The following STXBP5 variants were observed in gnomAD, a reference collection of about 807,000 sequenced individuals.
The protein encoded by STXBP5 is syntaxin binding protein 5.
A neutral mutation model predicts 152.4 loss-of-function variants in STXBP5; 50 were observed. The observed-to-expected ratio is 0.33, with a 90% confidence interval of 0.26 to 0.42. STXBP5 has a LOEUF of 0.42. Among genes scored for constraint, STXBP5 ranks in the 10% least tolerant of loss-of-function variants. The pLI, the probability that STXBP5 is intolerant of heterozygous loss-of-function variation, is 1.00. For missense variants in STXBP5, 1,167 were observed against 1,388.6 expected, an observed-to-expected ratio of 0.84 and a Z score of 2.54; for synonymous variants, 492 against 494.7, an observed-to-expected ratio of 0.99 and a Z score of 0.07.
chr6:147,377,987 C>A (rs2328813), intron 26 of STXBP5, among the ~76,000 whole-genome samples: 87,127 of 151,890 alleles, frequency 0.57, 25,326 homozygotes, highest in African/African-American at 0.64. Context: ...TTATTTTTGA[C>A]GGAATTTAAT....
chr6:147,207,331 A>G (rs1402779708), intron 2 of STXBP5, among the ~76,000 whole-genome samples: 1 of 152,248 alleles, frequency 6.6e-6, no homozygotes, highest in African/African-American at 2.4e-5. Flanking sequence ...GAACTGTGTT[A>G]CTAAGTGAAG....
chr6:147,364,060 T>C lies in STXBP5; in HGVS notation c.2975T>C (p.Ile992Thr). The stretch of plus-strand genomic sequence containing the variant: ...TACTTGCCCCTTACCAATATGCGGA[T>C]AGCCAGAACGTTCTGCTTTACCAAC... ...VYYLPLTNMR[I>T]ARTFCFTNNG... Residue 992 changes from isoleucine (I) to threonine (T), a missense_variant, in exon 25 of 28, where the codon ATA becomes ACA. By Grantham distance (89) the Ile-to-Thr change is moderately conservative (BLOSUM62 -1). Coordinates refer to ENST00000321680, the MANE Select transcript of STXBP5 (RefSeq NM_001127715.4). 6.2e-7 allele frequency: 1 copy of C among 1,614,104 alleles called. No homozygotes were observed. The highest frequency in any genetic ancestry group is 8.5e-7 in the Non-Finnish European group (1 of 1,180,006).
intron 22 of STXBP5, among the ~76,000 whole-genome samples, chr6:147,357,670 G>A (rs897222946): frequency 3.3e-5 from 5 of 152,076 alleles, no homozygotes; most frequent in Non-Finnish European, 5.9e-5. Flanking sequence ...ATTACCAATG[G>A]AAGGAAGGAA....
chr6:147,349,710 A>T (rs949780870), intron 21 of STXBP5, among the ~76,000 whole-genome samples: 2 of 152,150 alleles, frequency 1.3e-5, no homozygotes, highest in Non-Finnish European at 2.9e-5. Context: ...GTTTCATCTA[A>T]TGTGAGCTCC....
At chr6:147,245,932 A>G (rs751782426) in intron 4 of STXBP5, among the ~76,000 whole-genome samples, 7 of 152,226 alleles carry the variant, frequency 4.6e-5, no homozygotes, top group Non-Finnish European at 8.8e-5. Context: ...CCTTCATCTC[A>G]GACTTCTGGC....
intron 4 of STXBP5, among the ~76,000 whole-genome samples, chr6:147,247,893 G>A (rs577377089): frequency 8.7e-4 from 132 of 152,222 alleles, no homozygotes; most frequent in African/African-American, 3.1e-3. Flanking sequence ...GCCTTACAAT[G>A]TGTTAAAGGT....
intron 9 of STXBP5, among the ~76,000 whole-genome samples, chr6:147,304,562 GAGA>G (rs1159340482): frequency 6.6e-6 from 1 of 152,118 alleles, no homozygotes; most frequent in Non-Finnish European, 1.5e-5. Context: ...GTAGAGCTGT[GAGA>G]AGAGGGCCAC....
chr6:147,267,651 T>C (rs1562450401), intron 7 of STXBP5, among the ~76,000 whole-genome samples: 1 of 152,158 alleles, frequency 6.6e-6, no homozygotes, highest in African/African-American at 2.4e-5. Context: ...TTTTTCTGGC[T>C]GCATCCCCAT....
intron 2 of STXBP5, among the ~76,000 whole-genome samples, chr6:147,209,996 T>C (rs565020103): frequency 8.5e-5 from 13 of 152,320 alleles, no homozygotes; most frequent in African/African-American, 1.4e-4. Context: ...ATCATAGTTA[T>C]GTAATAGGAG....
In STXBP5 at chr6:147,314,017, G is replaced by A; in HGVS notation, c.1279G>A (p.Gly427Ser). The part of the protein sequence containing the change: ...YSVGARQKRQ[G>S]YSKKEWPING... ...TGTTGGAGCTAGACAGAAACGTCAA[G>A]GTTACAGCAAAAAGGTATTGAACAT... Residue 427 changes from glycine to serine, a missense_variant, in exon 12 of 28, where the codon GGT (glycine) becomes AGT (serine). Physicochemically the swap from Gly to Ser is moderately conservative, Grantham distance 56 (BLOSUM62 0). Transcript: ENST00000321680. 7 of 1,584,716 alleles carry A rather than the reference G, an allele frequency of 4.4e-6. No individual in the cohort carries two copies. The highest frequency in any genetic ancestry group is 6.0e-6 in the Non-Finnish European group (7 of 1,162,134).
chr6:147,248,260 G>A (rs376510403), intron 4 of STXBP5, among the ~76,000 whole-genome samples: 9 of 149,660 alleles, frequency 6.0e-5, no homozygotes, highest in African/African-American at 2.0e-4. Flanking sequence ...CAAACTGGGC[G>A]GCAAAGTGAG....
chr6:147,250,212 T>C (rs946156031), intron 4 of STXBP5, among the ~76,000 whole-genome samples: 2 of 152,186 alleles, frequency 1.3e-5, no homozygotes, highest in Non-Finnish European at 1.5e-5. Context: ...AGAGAATTAG[T>C]CCCTGGTCTT....
At chr6:147,236,138 G>T (rs1220753656) in intron 3 of STXBP5, among the ~76,000 whole-genome samples, 1 of 152,122 alleles carries the variant, frequency 6.6e-6, no homozygotes, top group Non-Finnish European at 1.5e-5. Flanking sequence ...CATACCAGAG[G>T]ATTTAAGAAA....
intron 19 of STXBP5, among the ~76,000 whole-genome samples, chr6:147,336,229 A>G (rs918503392): frequency 2.0e-5 from 3 of 152,180 alleles, no homozygotes; most frequent in Admixed American, 6.5e-5. Flanking sequence ...TAAGAGCATT[A>G]CAGTAGAAAC....
intron 16 of STXBP5, among the ~76,000 whole-genome samples, chr6:147,324,584 T>C (rs1287434491): frequency 6.6e-6 from 1 of 151,978 alleles, no homozygotes; most frequent in African/African-American, 2.4e-5. Context: ...TTAAACCTGC[T>C]TTTCTAACTT....
Position 147,385,810 on chromosome 6 carries a change from A to G in STXBP5, c.*1055A>G, listed in dbSNP as rs1786311645. The stretch of plus-strand genomic sequence containing the variant: ...CTTTATTTGCTAACTGTTCCAATAC[A>G]CTCAGGTGATGAGCCAATTAAATGT... On this transcript the variant is annotated 3_prime_UTR_variant, in exon 28 of 28. Coordinates refer to ENST00000321680, the MANE Select transcript of STXBP5 (RefSeq NM_001127715.4). The G allele has an allele frequency of 6.6e-6, 1 of 152,096 alleles. No individual in the cohort carries two copies. The highest frequency in any genetic ancestry group is 6.6e-5 in the Admixed American group (1 of 15,244). 9.4% of individuals were successfully genotyped at this position (152,096 alleles called of 1,614,324 possible).
chr6:147,324,263 G>GTTTTTTTTTTTTTTTTT (rs764684701), intron 16 of STXBP5, among the ~76,000 whole-genome samples: 6 of 85,042 alleles, frequency 7.1e-5, no homozygotes, highest in Non-Finnish European at 1.1e-4. Context: ...GTTTTTTTTT[G>GTTTTTTTTTTTTTTTTT]GTTTTTTTTT....
Position 147,260,646 on chromosome 6 carries a change from A to C in STXBP5, c.463A>C (p.Lys155Gln). Residue 155 changes from lysine to glutamine, a missense_variant, in exon 5 of 28, where the codon AAG becomes CAG. Coordinates refer to ENST00000321680, the MANE Select transcript of STXBP5 (RefSeq NM_001127715.4). Reference sequence around the variant, plus strand: ...ATTTTGCCATCTGCCTTTCCAGAGTAAGTGGCTCTATGTGGGCACTGAACG... The same window carrying C: ...ATTTTGCCATCTGCCTTTCCAGAGTCAGTGGCTCTATGTGGGCACTGAACG... ...VTFCHLPFQS[K>Q]WLYVGTERGN... is the part of the protein sequence containing the mutation. The C allele has an allele frequency of 4.3e-6, 7 of 1,613,772 alleles. No homozygotes were observed. The highest frequency in any genetic ancestry group is 5.1e-6 in the Non-Finnish European group (6 of 1,179,748).
Position 147,358,968 on chromosome 6 carries a change from T to A in STXBP5, c.2306-116T>A, listed in dbSNP as rs576993720. 3.4e-5 allele frequency: 40 copies of A among 1,173,664 alleles called. 2 individuals are homozygous for A. The South Asian group carries it at 6.0e-4, about 18-fold the overall frequency. 72.7% of individuals were successfully genotyped at this position (1,173,664 alleles called of 1,614,324 possible). A position where few individuals can be genotyped will look rare whatever the true frequency, so the allele number is the denominator to read the frequency against. ...ACTAAAATGAAGTGAATATTAAATATGACGTAGGTTTTGTCTTCTTGCAGA... is the reference window on the plus strand; with the variant it reads ...ACTAAAATGAAGTGAATATTAAATAAGACGTAGGTTTTGTCTTCTTGCAGA... On this transcript the variant is annotated intron_variant, in intron 22 of 27. Coordinates refer to ENST00000321680, the MANE Select transcript of STXBP5 (RefSeq NM_001127715.4).
Sources: gnomAD v4.1 joint callset for allele counts (sites outside exome capture counted in the v4.1 genomes callset) on GRCh38, gnomAD v4.1.1 for gene constraint, MANE v1.5 for transcripts, NCBI Gene and HGNC (gene_info 2026-07-23, HGNC 2026-07-21) for gene names.